OPCML: variants seen among roughly 807,000 people sequenced by gnomAD.
The protein encoded by OPCML is opioid binding protein/cell adhesion molecule like.
Under a neutral mutation model 37.8 loss-of-function variants are expected in OPCML, and 13 were observed. The ratio of observed to expected loss-of-function variants is 0.34; its 90% CI spans 0.22 to 0.55. The LOEUF is 0.55. Ranked by LOEUF, OPCML falls within the 20% of genes least tolerant of loss-of-function variation. The pLI is 0.91. For synonymous variants in OPCML, 176 were observed against 168.8 expected (o/e 1.04, Z -0.33); for missense variants, 341 against 435.6 (o/e 0.78, Z 1.93).
Position 133,205,948 on chromosome 11 carries a change from G to T in OPCML, c.62-262938C>A, listed in dbSNP as rs1034755515. On this transcript the variant is annotated intron_variant, in intron 1 of 7. Transcript: ENST00000524381. This position sits in a 1 kb window ranked among gnomAD's most constrained non-coding sequence, Gnocchi z 4.8. ...AAATCCCAGACAGCTCTGTAATCTTGCACAAGTTATGTATATCCACTTAGC... is the reference window on the plus strand; with the variant it reads ...AAATCCCAGACAGCTCTGTAATCTTTCACAAGTTATGTATATCCACTTAGC... Among the ~76,000 whole-genome samples, 2 of 152,168 alleles carry T rather than the reference G, an allele frequency of 1.3e-5. No homozygotes were observed. Among genetic ancestry groups the T allele is most frequent in the Non-Finnish European group, 2.9e-5 (2 of 68,042 alleles).
chr11:132,812,968 T>C lies in OPCML; in HGVS notation c.146+129958A>G, dbSNP rs376656761. On this transcript the variant is annotated intron_variant, in intron 2 of 7. Coordinates refer to ENST00000524381, the MANE Select transcript of OPCML (RefSeq NM_001012393.5). ...TAACTTGAGGTTTGTACAGCTATGA[T>C]TTACTAAATGAGACCTCCCTGAAAA... 7.2e-5 allele frequency among the ~76,000 whole-genome samples: 11 copies of C among 152,326 alleles called. No individual in the cohort carries two copies. The East Asian group carries it at 2.1e-3, about 29-fold the overall frequency.
At chr11:133,493,346 G>A (rs1268926377) in intron 1 of OPCML, among the ~76,000 whole-genome samples, 4 of 152,200 alleles carry the variant, frequency 2.6e-5, no homozygotes, top group African/African-American at 9.6e-5. Flanking sequence ...ACATACAACT[G>A]TAGACATAAG....
At position 132,798,243 on chromosome 11, in the gene OPCML, G is replaced by T. The variant is rs560619712; in HGVS notation, c.147-140924C>A. Among the ~76,000 whole-genome samples, 31 of 151,972 alleles carry T rather than the reference G, an allele frequency of 2.0e-4. 1 individual carries two copies. In the South Asian group the frequency reaches 6.5e-3, roughly 32 times the overall value. On this transcript the variant is annotated intron_variant, in intron 2 of 7. Coordinates refer to ENST00000524381, the MANE Select transcript of OPCML (RefSeq NM_001012393.5). ...GCACCACCATAGCTGGCTAATTTTT[G>T]TATTTTTGGTAGAGATGGGGTTTTA...
chr11:132,657,619 G>A (rs1941772874), intron 2 of OPCML, among the ~76,000 whole-genome samples: 1 of 152,124 alleles, frequency 6.6e-6, no homozygotes, highest in East Asian at 1.9e-4. Context: ...ATGAAAATCA[G>A]TTTATGTTTC....
chr11:133,465,254 G>T (rs946689052), intron 1 of OPCML, among the ~76,000 whole-genome samples: 1 of 152,116 alleles, frequency 6.6e-6, no homozygotes, highest in Admixed American at 6.5e-5. Flanking sequence ...TCTGTTCACA[G>T]GTCCTCCTGG....
At chr11:133,054,732 T>G (rs1377087386) in intron 1 of OPCML, among the ~76,000 whole-genome samples, 1 of 152,234 alleles carries the variant, frequency 6.6e-6, no homozygotes, top group Non-Finnish European at 1.5e-5. Flanking sequence ...CAGCCTAGTG[T>G]GGAGACCTGA....
intron 1 of OPCML, chr11:133,006,365 T>A: frequency 8.4e-6 from 7 of 834,886 alleles, no homozygotes; most frequent in Non-Finnish European, 1.0e-5. Context: ...TGGTCTGCAA[T>A]CCTGAATTTT....
chr11:133,130,304 T>C (rs942652683), intron 1 of OPCML, among the ~76,000 whole-genome samples: 1 of 152,116 alleles, frequency 6.6e-6, no homozygotes, highest in African/African-American at 2.4e-5. Flanking sequence ...ATTAATGATC[T>C]GTGAGATAAC....
In OPCML at chr11:133,260,664, GAAACTAAAAATTAAATT is replaced by G. The variant is rs201536860; in HGVS notation, c.61+271583_61+271599del. ...TGAAACCTCAAGGCCCAGGCAGAAG[GAAACTAAAAATTAAATT>G]AAACTAAAAATTAAATTAAATCAGA... On this transcript the variant is annotated intron_variant, in intron 1 of 7. Coordinates refer to ENST00000524381, the MANE Select transcript of OPCML (RefSeq NM_001012393.5). 8.6e-3 allele frequency among the ~76,000 whole-genome samples: 1,316 copies of G among 152,202 alleles called. 22 individuals are homozygous for G. Among genetic ancestry groups the G allele is most frequent in the African/African-American group, 0.029 (1,194 of 41,510 alleles).
At chr11:132,786,190 T>C (rs918839571) in intron 2 of OPCML, among the ~76,000 whole-genome samples, 2 of 152,156 alleles carry the variant, frequency 1.3e-5, no homozygotes, top group Non-Finnish European at 2.9e-5. Context: ...GTGGTTATCA[T>C]GGAAGGGAAG....
intron 1 of OPCML, among the ~76,000 whole-genome samples, chr11:133,001,877 T>A (rs1947012967): frequency 6.6e-6 from 1 of 152,154 alleles, no homozygotes; most frequent in Admixed American, 6.5e-5. Flanking sequence ...CTGGCAAGAG[T>A]ATTTATTGTG....
chr11:132,452,420 C>T (rs2096070571), intron 4 of OPCML, among the ~76,000 whole-genome samples: 3 of 152,096 alleles, frequency 2.0e-5, no homozygotes, highest in Admixed American at 2.0e-4. Flanking sequence ...TCAGCGACAG[C>T]ACCTCACACT....
Position 133,425,931 on chromosome 11 carries a change from C to T in OPCML, c.61+106333G>A, listed in dbSNP as rs915318296. Among the ~76,000 whole-genome samples the T allele has an allele frequency of 1.2e-4, 19 of 152,074 alleles. No homozygotes were observed. In the South Asian group the frequency reaches 2.3e-3, roughly 18 times the overall value. The stretch of plus-strand genomic sequence containing the variant: ...TTTCCTGTATAACAATAATTATTTT[C>T]CTTTAAGAAAATACTCTCCCTCTGG... On this transcript the variant is annotated intron_variant, in intron 1 of 7. Coordinates refer to ENST00000524381, the MANE Select transcript of OPCML (RefSeq NM_001012393.5).
At position 132,802,808 on chromosome 11, in the gene OPCML, C is replaced by G. The variant is rs191288659; in HGVS notation, c.146+140118G>C. Among the ~76,000 whole-genome samples the G allele has an allele frequency of 2.2e-4, 33 of 152,178 alleles. No individual in the cohort carries two copies. The East Asian group carries it at 5.8e-3, about 27-fold the overall frequency. ...TAGAGCAAAAATCCCTGAATTTCCT[C>G]TAGAAATGAAGTCTGATTTCTGTAG... On this transcript the variant is annotated intron_variant, in intron 2 of 7. Transcript: ENST00000524381.
At chr11:132,673,102 C>A (rs1426019470) in intron 2 of OPCML, among the ~76,000 whole-genome samples, 1 of 152,118 alleles carries the variant, frequency 6.6e-6, no homozygotes, top group African/African-American at 2.4e-5. Context: ...ATGCTACACA[C>A]CTTATTTGGT....
At chr11:133,308,976 A>G (rs1174717662) in intron 1 of OPCML, among the ~76,000 whole-genome samples, 1 of 152,230 alleles carries the variant, frequency 6.6e-6, no homozygotes, top group African/African-American at 2.4e-5. Context: ...ATAAGTGAAC[A>G]CTTAAATAAA....
intron 2 of OPCML, among the ~76,000 whole-genome samples, chr11:132,760,439 C>G (rs1946219092): frequency 6.6e-6 from 1 of 152,044 alleles, no homozygotes; most frequent in African/African-American, 2.4e-5. Flanking sequence ...GTCTGAGTCT[C>G]TTTGGAGGTC....
chr11:133,531,886 C>T (rs888672832), intron 1 of OPCML, among the ~76,000 whole-genome samples: 2 of 152,108 alleles, frequency 1.3e-5, no homozygotes, highest in African/African-American at 4.8e-5. Context: ...CTGCAGGTCC[C>T]AACATAGGCA....
At chr11:132,926,459 A>G (rs1944996856) in intron 2 of OPCML, among the ~76,000 whole-genome samples, 1 of 152,178 alleles carries the variant, frequency 6.6e-6, no homozygotes, top group African/African-American at 2.4e-5. Flanking sequence ...AGAAATTGAG[A>G]CATTTAAAAA....
Sources: gnomAD v4.1 joint callset for allele counts (sites outside exome capture counted in the v4.1 genomes callset) on GRCh38, gnomAD v4.1.1 for gene constraint, Gnocchi (gnomAD v3.1) non-coding constraint, MANE v1.5 for transcripts, NCBI Gene and HGNC (gene_info 2026-07-23, HGNC 2026-07-21) for gene names.